Variants in CCDC171 observed in about 807,000 individuals in gnomAD.
The protein encoded by CCDC171 is coiled-coil domain containing 171, also known as coiled-coil domain-containing protein 171.
CCDC171 carries 177 observed loss-of-function variants against 168.2 expected under a neutral mutation model. That is an observed-to-expected ratio of 1.05 (90% CI 0.93 to 1.19). The LOEUF (loss-of-function observed/expected upper bound fraction) is 1.19, where lower values mean the gene tolerates loss of function less well. Among genes scored for constraint, CCDC171 ranks in the 50% most tolerant of loss-of-function variants. The probability of loss-of-function intolerance (pLI) is 0.00; values close to 1 mark genes in which losing one functional copy is unlikely to be tolerated. For missense variants in CCDC171, 1,991 were observed against 1,539.0 expected, an observed-to-expected ratio of 1.29 and a Z score of -4.91; for synonymous variants, 687 against 540.8, an observed-to-expected ratio of 1.27 and a Z score of -3.75.
chr9:15,562,923 C>G (rs2039427983), intron 1 of CCDC171, among the ~76,000 whole-genome samples: 1 of 152,154 alleles, frequency 6.6e-6, no homozygotes, highest in East Asian at 1.9e-4. Context: ...TGGTGCCCCC[C>G]ACTTAATAGC....
At chr9:15,856,403 T>C (rs1038907151) in intron 23 of CCDC171, among the ~76,000 whole-genome samples, 2 of 152,008 alleles carry the variant, frequency 1.3e-5, no homozygotes, top group Non-Finnish European at 2.9e-5. Context: ...TCGACTATTT[T>C]AGATACGTCA....
intron 4 of CCDC171, among the ~76,000 whole-genome samples, chr9:15,582,858 C>T (rs547971125): frequency 2.6e-5 from 4 of 151,364 alleles, no homozygotes; most frequent in East Asian, 1.9e-4. Context: ...GTACAGTAAA[C>T]CACCATGGCA....
intron 13 of CCDC171, 59 bp from the exon 14 acceptor site, chr9:15,724,717 T>G (rs2053685806): frequency 9.4e-7 from 1 of 1,069,092 alleles, no homozygotes; most frequent in Non-Finnish European, 1.4e-6. Flanking sequence ...TATACTAGTG[T>G]CCCCTCACCC....
intron 7 of CCDC171, among the ~76,000 whole-genome samples, chr9:15,653,111 T>C (rs967379218): frequency 1.3e-5 from 2 of 152,192 alleles, no homozygotes; most frequent in Non-Finnish European, 2.9e-5. Flanking sequence ...TTCATTCTAG[T>C]GGTTTTTTGT....
intron 24 of CCDC171, among the ~76,000 whole-genome samples, chr9:15,892,462 T>G (rs1218496478): frequency 6.6e-6 from 1 of 151,796 alleles, no homozygotes; most frequent in Non-Finnish European, 1.5e-5. Context: ...GAGATAATCA[T>G]GTGTTTTTTT....
At chr9:15,809,381 G>T (rs958195355) in intron 21 of CCDC171, among the ~76,000 whole-genome samples, 1 of 152,194 alleles carries the variant, frequency 6.6e-6, no homozygotes, top group Admixed American at 6.5e-5. Context: ...CAGTCTCACT[G>T]TGTCTGAAAT....
At chr9:16,020,758 C>G (rs991907380) in exon 4 of CCDC171, 1 of 154,308 alleles carries the variant, frequency 6.5e-6, no homozygotes, top group Non-Finnish European at 1.5e-5. Context: ...TGGGATGGTG[C>G]CGGATAGTGT....
chr9:15,724,025 G>A (rs1461016087), intron 13 of CCDC171, among the ~76,000 whole-genome samples: 1 of 152,048 alleles, frequency 6.6e-6, no homozygotes, highest in African/African-American at 2.4e-5. Context: ...AATTATTTAA[G>A]ATGAAATGTC....
intron 4 of CCDC171, chr9:15,587,724 A>T (rs1017922869): frequency 2.0e-5 from 9 of 444,122 alleles, no homozygotes; most frequent in Non-Finnish European, 3.6e-5. Context: ...ACTGTATTAC[A>T]TTTATAGTTT....
At chr9:15,759,558 C>G (rs183297307) in intron 18 of CCDC171, among the ~76,000 whole-genome samples, 91 of 152,208 alleles carry the variant, frequency 6.0e-4, no homozygotes, top group Non-Finnish European at 2.2e-4. Flanking sequence ...TTTTTAGTCT[C>G]CAGTATGGAA....
At chr9:15,964,076 G>A (rs180975013) in intron 25 of CCDC171, among the ~76,000 whole-genome samples, 5 of 152,202 alleles carry the variant, frequency 3.3e-5, no homozygotes, top group Non-Finnish European at 7.3e-5. Flanking sequence ...GTACTGAGCT[G>A]TGGAGCCCAA....
Position 15,821,373 on chromosome 9 carries a change from G to A in CCDC171, c.3268-25329G>A, listed in dbSNP as rs574511911. Among the ~76,000 whole-genome samples, 25 of 116,832 alleles carry A rather than the reference G, an allele frequency of 2.1e-4. 5 individuals carry two copies. Among genetic ancestry groups the A allele is most frequent in the African/African-American group, 8.0e-4 (25 of 31,114 alleles). The allele number at this position is 116,832 out of a possible 152,430, so 76.6% of individuals were successfully genotyped here. On this transcript the variant is annotated intron_variant, in intron 21 of 25. Coordinates refer to ENST00000380701, the MANE Select transcript of CCDC171 (RefSeq NM_173550.4). ...AGGAGAAGGAAATAAAGGGCATTCA[G>A]TTAGGAAAACAGGACGTCAAATTGT... is the stretch of plus-strand genomic sequence containing the variant.
At chr9:15,830,493 C>T (rs933882721) in intron 21 of CCDC171, among the ~76,000 whole-genome samples, 1 of 152,156 alleles carries the variant, frequency 6.6e-6, no homozygotes, top group Non-Finnish European at 1.5e-5. Flanking sequence ...ATAACAGCTG[C>T]CTGGCCTTTT....
intron 11 of CCDC171, among the ~76,000 whole-genome samples, chr9:15,712,174 G>A (rs1469587737): frequency 6.6e-6 from 1 of 152,204 alleles, no homozygotes; most frequent in African/African-American, 2.4e-5. Flanking sequence ...ATTGGATGAA[G>A]CCCACTCAAG....
intron 6 of CCDC171, among the ~76,000 whole-genome samples, chr9:15,601,545 T>C (rs2042854984): frequency 6.6e-6 from 1 of 152,230 alleles, no homozygotes; most frequent in Admixed American, 6.5e-5. Flanking sequence ...CTCTAAGTAC[T>C]TACTGAGTTA....
At chr9:15,560,521 G>A (rs948211347) in intron 1 of CCDC171, among the ~76,000 whole-genome samples, 15 of 151,724 alleles carry the variant, frequency 9.9e-5, no homozygotes, top group East Asian at 1.9e-4. Flanking sequence ...GATCAAATCG[G>A]CTACTGAAGC....
At chr9:15,647,649 G>C (rs987015365) in intron 7 of CCDC171, among the ~76,000 whole-genome samples, 3 of 152,132 alleles carry the variant, frequency 2.0e-5, no homozygotes, top group Admixed American at 6.5e-5. Flanking sequence ...AAATCTAGAA[G>C]AAATGCATAA....
At chr9:15,608,516 A>T (rs995238184) in intron 6 of CCDC171, among the ~76,000 whole-genome samples, 1 of 152,128 alleles carries the variant, frequency 6.6e-6, no homozygotes, top group Admixed American at 6.5e-5. Context: ...GTGAAATTGT[A>T]TCTCATTCTT....
intron 11 of CCDC171, among the ~76,000 whole-genome samples, chr9:15,704,118 A>T (rs2052020688): frequency 6.6e-6 from 1 of 152,248 alleles, no homozygotes; most frequent in African/African-American, 2.4e-5. Flanking sequence ...AGCACTGTAG[A>T]ATGAAATGCA....
Sources: allele counts gnomAD v4.1 joint callset (sites outside exome capture counted in the v4.1 genomes callset), GRCh38; gene constraint gnomAD v4.1.1; transcripts MANE v1.5; gene names NCBI Gene and HGNC (gene_info 2026-07-23, HGNC 2026-07-21).